Variants in DIDO1 observed in about 807,000 individuals in gnomAD.
The protein encoded by DIDO1 is death inducer-obliterator 1.
A neutral mutation model predicts 99.4 loss-of-function variants in DIDO1; 16 were observed. The ratio of observed to expected loss-of-function variants is 0.16; its 90% CI spans 0.11 to 0.24. DIDO1 has a LOEUF of 0.24. Among genes scored for constraint, DIDO1 ranks in the 10% least tolerant of loss-of-function variants. DIDO1 has a pLI of 1.00. For missense variants in DIDO1, 2,996 were observed against 3,014.0 expected (o/e 0.99, Z 0.14); for synonymous variants, 1,366 against 1,239.1 (o/e 1.10, Z -2.15).
chr20:62,920,011 A>G (rs1446575693), intron 1 of DIDO1, among the ~76,000 whole-genome samples: 3 of 152,244 alleles, frequency 2.0e-5, no homozygotes, highest in South Asian at 2.1e-4. Flanking sequence ...TTGTCTCAGT[A>G]AAAAAGAAAG....
intron 4 of DIDO1, among the ~76,000 whole-genome samples, chr20:62,908,755 A>AG (rs1435249032): frequency 6.6e-6 from 1 of 152,170 alleles, no homozygotes; most frequent in Non-Finnish European, 1.5e-5. Context: ...GCTACTTGGG[A>AG]GGCTAAGGTG....
At chr20:62,929,757 TG>T (rs1328903637), upstream of DIDO1, among the ~76,000 whole-genome samples, 6 of 103,512 alleles carry the variant, frequency 5.8e-5, 1 homozygote, top group East Asian at 3.4e-4. Context: ...GCCACTGTTT[TG>T]TTTTTTTTTT....
At chr20:62,889,387 G>A in intron 15 of DIDO1, 1 of 985,458 alleles carries the variant, frequency 1.0e-6, no homozygotes, top group Non-Finnish European at 1.2e-6. Flanking sequence ...TCACCTGACA[G>A]CTCCAAGTTT....
chr20:62,890,758 T>G, intron 15 of DIDO1: 1 of 1,427,168 alleles, frequency 7.0e-7, no homozygotes, highest in East Asian at 2.5e-5. Flanking sequence ...CCTAAGACAA[T>G]TTATGCTGTG....
In DIDO1 at chr20:62,880,272, G is replaced by T. The variant is rs775133905; in HGVS notation, c.5684C>A (p.Pro1895Gln). 2.5e-6 allele frequency: 4 copies of T among 1,612,680 alleles called. No homozygotes were observed. In the South Asian group the frequency reaches 3.3e-5, roughly 13 times the overall value. ...APFQFGGQRR[P>Q]LLSQLKGPRG... Reference sequence around the variant, plus strand: ...GGGGCCTTTCAGCTGAGACAGCAGTGGCCTTCTCTGGCCTCCGAACTGGAA... The same window carrying T: ...GGGGCCTTTCAGCTGAGACAGCAGTTGCCTTCTCTGGCCTCCGAACTGGAA... The change falls in exon 16 of 16, where the codon CCA becomes CAA. Residue 1895 changes from proline to glutamine, a missense_variant. Around this residue, in one of 5 missense-constraint regions of DIDO1, gnomAD observed 1,562 missense variants for 1,412.6 expected, o/e 1.11. Coordinates refer to ENST00000395343, the MANE Select transcript of DIDO1 (RefSeq NM_001193369.2).
At chr20:62,929,004 T>G (rs1328767810), upstream of DIDO1, 1 of 152,152 alleles carries the variant, frequency 6.6e-6, no homozygotes, top group East Asian at 1.9e-4. Context: ...TAAGCCTCCT[T>G]CCTAAGACTC....
chr20:62,937,716 G>A (rs1348870286), intron 1 of DIDO1: 1 of 397,346 alleles, frequency 2.5e-6, no homozygotes, highest in African/African-American at 2.1e-5. Flanking sequence ...CCCGTCTGAG[G>A]GGCGGCCGCG....
At chr20:62,884,379 G>C (rs929759677) in intron 15 of DIDO1, among the ~76,000 whole-genome samples, 1 of 152,204 alleles carries the variant, frequency 6.6e-6, no homozygotes, top group African/African-American at 2.4e-5. Context: ...ATACACGTGG[G>C]TGGGACGTTT....
Position 62,879,333 on chromosome 20 carries a change from C to A in DIDO1, c.6623G>T (p.Gly2208Val), listed in dbSNP as rs1276781920. The A allele has an allele frequency of 7.7e-6, 12 of 1,558,340 alleles. No homozygotes were observed. The highest frequency in any genetic ancestry group is 1.0e-5 in the Non-Finnish European group (12 of 1,153,678). Residue 2208 changes from glycine (G) to valine (V), a missense_variant, in exon 16 of 16, where the codon GGC becomes GTC. Coordinates refer to ENST00000395343, the MANE Select transcript of DIDO1 (RefSeq NM_001193369.2). The surrounding 1 kb of genome is among the most constrained non-coding windows in gnomAD (Gnocchi z 6.3). ...CTTGCTCCGGTCCTTGCGGTCGCGG[C>A]CCCGCTCCCTGTCCCTGGCCTTGTC... Reference protein sequence around the residue: ...DRDKARDRERGRDRKDRSKSK... With the variant: ...DRDKARDRERVRDRKDRSKSK...
At chr20:62,921,781 T>G (rs573007418) in intron 1 of DIDO1, among the ~76,000 whole-genome samples, 1 of 150,662 alleles carries the variant, frequency 6.6e-6, no homozygotes, top group African/African-American at 2.5e-5. Flanking sequence ...ACTACAAGCA[T>G]GCACTACAAT....
At chr20:62,909,458 G>A (rs976862662) in intron 4 of DIDO1, among the ~76,000 whole-genome samples, 21 of 152,228 alleles carry the variant, frequency 1.4e-4, no homozygotes, top group Non-Finnish European at 2.2e-4. Flanking sequence ...AAGCATGTAA[G>A]CAACACCCAA....
chr20:62,880,651 G>C lies in DIDO1; in HGVS notation c.5305C>G (p.Pro1769Ala). Residue 1769 changes from proline (P) to alanine (A), a missense_variant, in exon 16 of 16, where the codon CCC becomes GCC. Transcript: ENST00000395343. ...GGCCCCCTTGGTCCCGGGAAATTGGGGCCGTGAAGCCCTGACATCCCCAAA... is the reference window on the plus strand; with the variant it reads ...GGCCCCCTTGGTCCCGGGAAATTGGCGCCGTGAAGCCCTGACATCCCCAAA... ...HALGMSGLHG[P>A]NFPGPRGPAP... The C allele has an allele frequency of 6.2e-7, 1 of 1,612,860 alleles. No homozygotes were observed. Among genetic ancestry groups the C allele is most frequent in the Non-Finnish European group, 8.5e-7 (1 of 1,180,004 alleles).
chr20:62,883,824 T>TTG (rs2064251970), intron 15 of DIDO1, among the ~76,000 whole-genome samples: 1 of 147,170 alleles, frequency 6.8e-6, no homozygotes, highest in Non-Finnish European at 1.5e-5. Flanking sequence ...AGACTCTGTC[T>TTG]CAAAAAAACA....
chr20:62,898,838 T>C (rs1305602153), intron 6 of DIDO1, among the ~76,000 whole-genome samples: 5 of 152,256 alleles, frequency 3.3e-5, no homozygotes, highest in African/African-American at 1.2e-4. Context: ...TAATTCCACA[T>C]GTACTATGTC....
intron 15 of DIDO1, among the ~76,000 whole-genome samples, chr20:62,885,530 C>A (rs1255367133): frequency 6.6e-6 from 1 of 152,188 alleles, no homozygotes; most frequent in Non-Finnish European, 1.5e-5. Flanking sequence ...AAAACAGCAA[C>A]CGTCTGGAGA....
intron 6 of DIDO1, among the ~76,000 whole-genome samples, chr20:62,902,435 C>T (rs1342487556): frequency 6.6e-6 from 1 of 152,144 alleles, no homozygotes; most frequent in East Asian, 1.9e-4. Context: ...CTCCCAGTCT[C>T]GTTTTATTGC....
At chr20:62,930,683 T>C (rs1308208272), upstream of DIDO1, among the ~76,000 whole-genome samples, 1 of 152,222 alleles carries the variant, frequency 6.6e-6, no homozygotes, top group East Asian at 1.9e-4. Flanking sequence ...TTGTTGTAAT[T>C]AGAATTATGG....
At chr20:62,910,086 T>A in intron 3 of DIDO1, 66 bp from the exon 4 acceptor site, 1 of 1,503,816 alleles carries the variant, frequency 6.6e-7, no homozygotes, top group Non-Finnish European at 9.0e-7. Context: ...AACACATTAA[T>A]AAGACAATTG....
At chr20:62,912,753 C>T (rs1376823433) in intron 2 of DIDO1, among the ~76,000 whole-genome samples, 14 of 152,174 alleles carry the variant, frequency 9.2e-5, no homozygotes, top group Admixed American at 7.9e-4. Context: ...AAAATGGGGC[C>T]GGGCCTGGTG....
Sources: allele counts gnomAD v4.1 joint callset (sites outside exome capture counted in the v4.1 genomes callset), GRCh38; gene constraint gnomAD v4.1.1; regional missense constraint gnomAD v4.1.1; non-coding constraint Gnocchi (gnomAD v3.1); transcripts MANE v1.5; gene names NCBI Gene and HGNC (gene_info 2026-07-23, HGNC 2026-07-21).